ALK: variants seen among roughly 807,000 people sequenced by gnomAD.
ALK encodes ALK receptor tyrosine kinase.
In ALK, 74 loss-of-function variants were observed where a neutral mutation model predicts 163.1. The ratio of observed to expected loss-of-function variants is 0.45; its 90% CI spans 0.38 to 0.55. ALK has a LOEUF of 0.55. ALK is among the 20% of genes least tolerant of loss of function. The probability of loss-of-function intolerance (pLI) is 0.00; values close to 1 mark genes in which losing one functional copy is unlikely to be tolerated. For synonymous variants in ALK, 960 were observed against 843.2 expected, an observed-to-expected ratio of 1.14 and a Z score of -2.40; for missense variants, 2,063 against 2,105.3, an observed-to-expected ratio of 0.98 and a Z score of 0.39.
At chr2:29,439,684 TAAA>T (rs59027264) in intron 4 of ALK, among the ~76,000 whole-genome samples, 2 of 144,862 alleles carry the variant, frequency 1.4e-5, no homozygotes, top group African/African-American at 5.3e-5. Context: ...GTGTTCTTGT[TAAA>T]AAAAAAAAAA....
At chr2:29,484,307 A>G (rs752541283) in intron 4 of ALK, among the ~76,000 whole-genome samples, 13 of 152,084 alleles carry the variant, frequency 8.5e-5, no homozygotes, top group Non-Finnish European at 1.5e-4. Flanking sequence ...ACAAATCCTA[A>G]TGGGTCATTA....
chr2:29,652,597 C>T (rs933625765), intron 3 of ALK, among the ~76,000 whole-genome samples: 4 of 152,120 alleles, frequency 2.6e-5, no homozygotes, highest in African/African-American at 9.7e-5. Context: ...CTGGAAAGAC[C>T]AAGGCAGGAT....
At chr2:29,810,490 G>T (rs1002440330) in intron 1 of ALK, among the ~76,000 whole-genome samples, 9 of 151,288 alleles carry the variant, frequency 5.9e-5, no homozygotes, top group African/African-American at 2.2e-4. Flanking sequence ...GCTGAGAAAA[G>T]ACTATTGCAT....
At chr2:29,431,524 G>T (rs562307868) in intron 4 of ALK, among the ~76,000 whole-genome samples, 1 of 152,280 alleles carries the variant, frequency 6.6e-6, no homozygotes, top group South Asian at 2.1e-4. Context: ...AATCAAGGAG[G>T]TCAAACCTTT....
chr2:29,331,135 T>G (rs1667426080), intron 5 of ALK, among the ~76,000 whole-genome samples: 1 of 152,160 alleles, frequency 6.6e-6, no homozygotes, highest in Non-Finnish European at 1.5e-5. Flanking sequence ...TGACTAGACC[T>G]TTGTGGTCCC....
intron 8 of ALK, among the ~76,000 whole-genome samples, chr2:29,314,013 G>C (rs979614024): frequency 6.6e-6 from 1 of 152,098 alleles, no homozygotes; most frequent in African/African-American, 2.4e-5. Flanking sequence ...GAGGTCGGGG[G>C]CAAGCTTCAA....
chr2:29,582,677 C>G (rs1290023367), intron 3 of ALK, among the ~76,000 whole-genome samples: 3 of 152,194 alleles, frequency 2.0e-5, no homozygotes, highest in Non-Finnish European at 2.9e-5. Context: ...CATCAAGATT[C>G]CTTTCCAAGA....
intron 1 of ALK, among the ~76,000 whole-genome samples, chr2:29,768,123 A>G (rs1680914044): frequency 6.6e-6 from 1 of 152,174 alleles, no homozygotes; most frequent in Admixed American, 6.5e-5. Flanking sequence ...TGGCTTAGAG[A>G]TCTGATGACA....
At chr2:29,859,703 C>A (rs1666231122) in intron 1 of ALK, among the ~76,000 whole-genome samples, 1 of 151,994 alleles carries the variant, frequency 6.6e-6, no homozygotes, top group African/African-American at 2.4e-5. Flanking sequence ...TCATAGATTT[C>A]CAGCCTGCGT....
intron 8 of ALK, among the ~76,000 whole-genome samples, chr2:29,299,332 T>C (rs941395887): frequency 6.6e-6 from 1 of 152,244 alleles, no homozygotes; most frequent in East Asian, 1.9e-4. Flanking sequence ...TCAAAAATTA[T>C]GGCATTTACA....
chr2:29,239,923 C>T (rs781658775), intron 12 of ALK, 93 bp from the exon 13 acceptor site: 160 of 1,454,270 alleles, frequency 1.1e-4, no homozygotes, highest in Non-Finnish European at 1.4e-4. Flanking sequence ...CTAAGCACAT[C>T]GCCATCGTGG....
rs10654058 is a variant in ALK, at chr2:29,396,836, G to GTTT, written c.1155-12980_1155-12978dup. ...TACCCAGAGGCCCTTTGTTACTATG[G>GTTT]TTTTTTTTTTTTTTTTTTTTTTTTG... On this transcript the variant is annotated intron_variant, in intron 4 of 28. Coordinates refer to ENST00000389048, the MANE Select transcript of ALK (RefSeq NM_004304.5). 3.9e-3 allele frequency among the ~76,000 whole-genome samples: 182 copies of GTTT among 46,612 alleles called. 24 individuals carry two copies. Among genetic ancestry groups the GTTT allele is most frequent in the Middle Eastern group, 0.042 (1 of 24 alleles). The allele number at this position is 46,612 out of a possible 152,430, so 30.6% of individuals were successfully genotyped here.
intron 4 of ALK, among the ~76,000 whole-genome samples, chr2:29,414,497 G>A (rs1458356704): frequency 6.6e-6 from 1 of 152,040 alleles, no homozygotes; most frequent in Non-Finnish European, 1.5e-5. Flanking sequence ...CTGCGAGTAG[G>A]TCATAGTAGG....
At chr2:29,759,414 C>A (rs564714432) in intron 1 of ALK, among the ~76,000 whole-genome samples, 19 of 152,198 alleles carry the variant, frequency 1.2e-4, no homozygotes, top group African/African-American at 4.3e-4. Context: ...CCTGGGCATG[C>A]AAGTGCATGT....
chr2:29,860,871 T>C (rs1399194405), intron 1 of ALK, among the ~76,000 whole-genome samples: 1 of 152,174 alleles, frequency 6.6e-6, no homozygotes, highest in Non-Finnish European at 1.5e-5. Context: ...GCAAAGGCGA[T>C]TATAAAAGGT....
intron 1 of ALK, among the ~76,000 whole-genome samples, chr2:29,771,598 G>C (rs1441042046): frequency 6.6e-6 from 1 of 151,732 alleles, no homozygotes; most frequent in Non-Finnish European, 1.5e-5. Context: ...GCAGTGTCAC[G>C]ATCTCGACTC....
intron 5 of ALK, among the ~76,000 whole-genome samples, chr2:29,376,819 C>T (rs1668763641): frequency 6.6e-6 from 1 of 152,222 alleles, no homozygotes; most frequent in South Asian, 2.1e-4. Flanking sequence ...ACATGGCTGG[C>T]CAAAGATTTG....
At chr2:29,543,160 G>A (rs1251081619) in intron 3 of ALK, among the ~76,000 whole-genome samples, 1 of 152,156 alleles carries the variant, frequency 6.6e-6, no homozygotes, top group Non-Finnish European at 1.5e-5. Flanking sequence ...ATGCAGAAAT[G>A]AACAGAGGCT....
chr2:29,242,637 C>T lies in ALK; in HGVS notation c.2205-2807G>A, dbSNP rs139027483. On this transcript the variant is annotated intron_variant, in intron 12 of 28. Transcript: ENST00000389048. ...CCAAGTCATCTGCTGGTTCTTGTCC[C>T]CGTTCTTCTGGCTGTGTGACCTGAG... Among the ~76,000 whole-genome samples the T allele has an allele frequency of 6.4e-3, 975 of 152,220 alleles. 11 individuals are homozygous for T. The highest frequency in any genetic ancestry group is 0.017 in the African/African-American group (690 of 41,518).
Sources: allele counts gnomAD v4.1 joint callset (sites outside exome capture counted in the v4.1 genomes callset), GRCh38; gene constraint gnomAD v4.1.1; transcripts MANE v1.5; gene names NCBI Gene and HGNC (gene_info 2026-07-23, HGNC 2026-07-21).